The following CYP4Z1 variants were observed in gnomAD, a reference collection of about 807,000 sequenced individuals.
The protein encoded by CYP4Z1 is cytochrome P450 4Z1.
In CYP4Z1, 41 loss-of-function variants were observed where a neutral mutation model predicts 54.2. That is an observed-to-expected ratio of 0.76 (90% confidence interval 0.59 to 0.98). CYP4Z1 has a LOEUF of 0.98. CYP4Z1 is among the 50% of genes least tolerant of loss of function. The pLI is 0.00. For missense variants in CYP4Z1, 513 were observed against 599.0 expected, an observed-to-expected ratio of 0.86 and a Z score of 1.50; for synonymous variants, 163 against 206.2, an observed-to-expected ratio of 0.79 and a Z score of 1.79.
chr1:47,113,544 A>T (rs1644808126), intron 9 of CYP4Z1, among the ~76,000 whole-genome samples: 1 of 152,154 alleles, frequency 6.6e-6, no homozygotes. Flanking sequence ...TGGTTAACGA[A>T]ATTATGATTG....
intron 6 of CYP4Z1, among the ~76,000 whole-genome samples, chr1:47,092,021 T>C (rs1015866964): frequency 1.9e-4 from 29 of 152,040 alleles, no homozygotes; most frequent in Middle Eastern, 3.2e-3. Flanking sequence ...TTTGAGCCAC[T>C]GGAGTCGGCA....
At chr1:47,096,802 G>A (rs758273288) in intron 7 of CYP4Z1, 9 of 151,868 alleles carry the variant, frequency 5.9e-5, no homozygotes, top group Non-Finnish European at 1.0e-4. Context: ...TAATATTTTT[G>A]TATTTTTAAT....
chr1:47,060,496 T>TCAACAA, the CYP4Z1 span, among the ~76,000 whole-genome samples: 63,602 of 151,576 alleles, frequency 0.42, 14,650 homozygotes, highest in East Asian at 0.96. Context: ...AGGGTTCTAT[T>TCAACAA]TAAGACCTAG....
intron 6 of CYP4Z1, among the ~76,000 whole-genome samples, chr1:47,088,009 G>A (rs200716683): frequency 9.4e-4 from 143 of 152,142 alleles, no homozygotes; most frequent in South Asian, 3.7e-3. Flanking sequence ...ATTGATTTGC[G>A]TATGTTGAAC....
At chr1:47,099,932 GCT>G (rs1553156652) in intron 8 of CYP4Z1, among the ~76,000 whole-genome samples, 2 of 152,004 alleles carry the variant, frequency 1.3e-5, no homozygotes, top group Non-Finnish European at 2.9e-5. Context: ...AAGAAAAATT[GCT>G]CATTACCAGC....
At chr1:47,109,873 C>CAA (rs56098025) in intron 9 of CYP4Z1, among the ~76,000 whole-genome samples, 2 of 130,272 alleles carry the variant, frequency 1.5e-5, no homozygotes, top group Non-Finnish European at 1.7e-5. Context: ...TCTACATGGC[C>CAA]AAAAAAAAAA....
At chr1:47,077,526 C>T (rs1418897160) in intron 2 of CYP4Z1, among the ~76,000 whole-genome samples, 2 of 152,084 alleles carry the variant, frequency 1.3e-5, no homozygotes, top group African/African-American at 4.8e-5. Flanking sequence ...CTGCCAGTCT[C>T]TGCCTTTTAA....
At chr1:47,108,990 C>T (rs1291989892) in intron 9 of CYP4Z1, among the ~76,000 whole-genome samples, 1 of 152,022 alleles carries the variant, frequency 6.6e-6, no homozygotes, top group African/African-American at 2.4e-5. Context: ...GCCAGAGTCC[C>T]CTAAGTTTTA....
Position 47,067,546 on chromosome 1 carries a change from T to G in CYP4Z1, c.56T>G (p.Leu19Arg). The G allele has an allele frequency of 6.2e-7, 1 of 1,613,530 alleles. No individual in the cohort carries two copies. The highest frequency in any genetic ancestry group is 8.5e-7 in the Non-Finnish European group (1 of 1,179,674). ...LMAHPFLLLI[L>R]LCMSLLLFQV... is the part of the protein sequence containing the mutation. ...GCTCACCCCTTCTTGCTGCTGATCC[T>G]CCTCTGCATGTCTCTGCTGCTGTTT... The change falls in exon 1 of 12, where the codon CTC (leucine) becomes CGC (arginine). Residue 19 changes from leucine (L) to arginine (R), a missense_variant. Transcript: ENST00000334194.
At chr1:47,092,526 C>T (rs1644646767) in intron 6 of CYP4Z1, among the ~76,000 whole-genome samples, 1 of 151,266 alleles carries the variant, frequency 6.6e-6, no homozygotes, top group East Asian at 1.9e-4. Flanking sequence ...TCCTGGTTTT[C>T]CATAGGCCTT....
chr1:47,060,598 A>G, the CYP4Z1 span, among the ~76,000 whole-genome samples: 3 of 152,226 alleles, frequency 2.0e-5, no homozygotes, highest in East Asian at 5.8e-4. Context: ...CTCACACACA[A>G]TAATAGTGGC....
intron 11 of CYP4Z1, among the ~76,000 whole-genome samples, chr1:47,117,170 C>A (rs367686633): frequency 8.1e-4 from 123 of 152,306 alleles, no homozygotes; most frequent in African/African-American, 2.6e-3. Flanking sequence ...ACACAATCCA[C>A]TGAGTATGCC....
chr1:47,098,616 T>C (rs774625853), intron 7 of CYP4Z1, among the ~76,000 whole-genome samples: 41 of 152,236 alleles, frequency 2.7e-4, no homozygotes, highest in Non-Finnish European at 5.1e-4. Flanking sequence ...TACTGCTCTT[T>C]TCACCTAATA....
chr1:47,115,308 AG>A, intron 9 of CYP4Z1: 2 of 383,582 alleles, frequency 5.2e-6, no homozygotes, highest in East Asian at 6.3e-5. Flanking sequence ...GGGTGGAGGG[AG>A]GGGGGATGGA....
At chr1:47,064,023 TCAGATTAACAG>T (rs953124791), upstream of CYP4Z1, among the ~76,000 whole-genome samples, 2 of 150,572 alleles carry the variant, frequency 1.3e-5, no homozygotes, top group Non-Finnish European at 3.0e-5. Flanking sequence ...GAAAAACCTA[TCAGATTAACAG>T]CAGATTTCTC....
At chr1:47,116,950 A>T (rs1644834699) in intron 11 of CYP4Z1, among the ~76,000 whole-genome samples, 2 of 152,282 alleles carry the variant, frequency 1.3e-5, no homozygotes, top group South Asian at 4.1e-4. Flanking sequence ...TCCTTGGCAT[A>T]TGGGTGTGAA....
intron 2 of CYP4Z1, among the ~76,000 whole-genome samples, chr1:47,078,956 T>G (rs1272487524): frequency 6.6e-6 from 1 of 152,022 alleles, no homozygotes; most frequent in Non-Finnish European, 1.5e-5. Context: ...CTTTTCCTTC[T>G]AGTTTTTGGT....
the CYP4Z1 span, among the ~76,000 whole-genome samples, chr1:47,060,497 T>G: frequency 0.42 from 63,597 of 151,088 alleles, 14,646 homozygotes; most frequent in East Asian, 0.97. Flanking sequence ...GGGTTCTATT[T>G]AAGACCTAGC....
intron 7 of CYP4Z1, among the ~76,000 whole-genome samples, chr1:47,095,290 C>A (rs1343451137): frequency 6.6e-6 from 1 of 151,964 alleles, no homozygotes; most frequent in East Asian, 1.9e-4. Flanking sequence ...ACATATCCCT[C>A]GGTGTTTCAT....
Sources: gnomAD v4.1 joint callset for allele counts (sites outside exome capture counted in the v4.1 genomes callset) on GRCh38, gnomAD v4.1.1 for gene constraint, MANE v1.5 for transcripts, NCBI Gene and HGNC (gene_info 2026-07-23, HGNC 2026-07-21) for gene names.